Variants in SYNDIG1 observed in about 807,000 individuals in gnomAD.
SYNDIG1 encodes the protein synapse differentiation-inducing gene protein 1.
Under a neutral mutation model 19.4 loss-of-function variants are expected in SYNDIG1, and 9 were observed. The ratio of observed to expected loss-of-function variants is 0.46; its 90% CI spans 0.28 to 0.81. The LOEUF (loss-of-function observed/expected upper bound fraction) is 0.81. Ranked by LOEUF, SYNDIG1 falls within the 30% of genes least tolerant of loss-of-function variation. The probability of loss-of-function intolerance (pLI) is 0.12; values close to 1 mark genes in which losing one functional copy is unlikely to be tolerated. For synonymous variants in SYNDIG1, 141 were observed against 145.9 expected, an observed-to-expected ratio of 0.97 and a Z score of 0.24; for missense variants, 311 against 343.3, an observed-to-expected ratio of 0.91 and a Z score of 0.74.
At chr20:24,548,053 C>T (rs1283760263) in intron 2 of SYNDIG1, among the ~76,000 whole-genome samples, 5 of 152,180 alleles carry the variant, frequency 3.3e-5, no homozygotes, top group Non-Finnish European at 7.3e-5. Flanking sequence ...CGATGGAGCA[C>T]CTTTTCTGCC....
chr20:24,503,564 A>AC (rs1304556685), intron 1 of SYNDIG1, among the ~76,000 whole-genome samples: 2 of 151,366 alleles, frequency 1.3e-5, no homozygotes, highest in African/African-American at 4.9e-5. Flanking sequence ...AATGAGCGTC[A>AC]CCCCCAAAAT....
intron 2 of SYNDIG1, among the ~76,000 whole-genome samples, chr20:24,564,875 G>A (rs907046064): frequency 6.6e-6 from 1 of 152,246 alleles, no homozygotes; most frequent in African/African-American, 2.4e-5. Context: ...GGAGCTGGCT[G>A]AAGATTCCAG....
At chr20:24,650,448 G>A (rs575687277) in intron 3 of SYNDIG1, among the ~76,000 whole-genome samples, 3 of 152,340 alleles carry the variant, frequency 2.0e-5, no homozygotes, top group African/African-American at 4.8e-5. Flanking sequence ...GTGCTCCCAC[G>A]CAGTCATCAC....
intron 1 of SYNDIG1, among the ~76,000 whole-genome samples, chr20:24,501,754 A>G (rs2146385220): frequency 6.6e-6 from 1 of 152,352 alleles, no homozygotes; most frequent in East Asian, 1.9e-4. Flanking sequence ...GTCATGCACT[A>G]GACTCTGTCT....
chr20:24,630,770 C>T (rs774080840), intron 3 of SYNDIG1, among the ~76,000 whole-genome samples: 14 of 152,224 alleles, frequency 9.2e-5, no homozygotes, highest in Non-Finnish European at 1.9e-4. Flanking sequence ...CTGCTGGGAA[C>T]CCTGCCTCTC....
chr20:24,556,774 A>G (rs186395546), intron 2 of SYNDIG1, among the ~76,000 whole-genome samples: 178 of 152,192 alleles, frequency 1.2e-3, no homozygotes, highest in African/African-American at 4.2e-3. Context: ...GAATCTGACA[A>G]TTATGTGTCT....
chr20:24,639,664 A>G (rs1426037437), intron 3 of SYNDIG1, among the ~76,000 whole-genome samples: 1 of 152,250 alleles, frequency 6.6e-6, no homozygotes, highest in Non-Finnish European at 1.5e-5. Context: ...CATTAATACA[A>G]TTGAAATTTT....
chr20:24,617,265 C>T (rs746368885), intron 3 of SYNDIG1, among the ~76,000 whole-genome samples: 11 of 151,982 alleles, frequency 7.2e-5, no homozygotes, highest in African/African-American at 1.2e-4. Flanking sequence ...GCTCCTGGCC[C>T]GCATCCTTCC....
intron 3 of SYNDIG1, among the ~76,000 whole-genome samples, chr20:24,595,605 C>A (rs951440104): frequency 1.3e-5 from 2 of 152,154 alleles, no homozygotes; most frequent in Non-Finnish European, 2.9e-5. Flanking sequence ...TGGTGGAATT[C>A]GGCTGTGAAG....
intron 2 of SYNDIG1, among the ~76,000 whole-genome samples, chr20:24,573,877 C>T (rs991696614): frequency 1.2e-4 from 18 of 152,206 alleles, no homozygotes; most frequent in African/African-American, 4.1e-4. Context: ...CTCTCAGCTC[C>T]CCTTACCCCA....
At chr20:24,618,442 C>T (rs1459664935) in intron 3 of SYNDIG1, among the ~76,000 whole-genome samples, 2 of 152,064 alleles carry the variant, frequency 1.3e-5, no homozygotes, top group Non-Finnish European at 1.5e-5. Flanking sequence ...CACCAGGCCT[C>T]GTGGGCACCA....
rs528461353 is a variant in SYNDIG1, at chr20:24,552,621, C to A, written c.480+9044C>A. Among the ~76,000 whole-genome samples the A allele has an allele frequency of 9.2e-5, 14 of 152,140 alleles. No homozygotes were observed. In the South Asian group the frequency reaches 2.5e-3, roughly 27 times the overall value. On this transcript the variant is annotated intron_variant, in intron 2 of 3. Coordinates refer to ENST00000376862, the MANE Select transcript of SYNDIG1 (RefSeq NM_024893.3). ...GATGATTTCCAATTTCATCCATGTC[C>A]CTACAAAGGACATGAACTCATCATT...
At chr20:24,549,716 G>A (rs2057666978) in intron 2 of SYNDIG1, among the ~76,000 whole-genome samples, 1 of 152,222 alleles carries the variant, frequency 6.6e-6, no homozygotes, top group Admixed American at 6.5e-5. Flanking sequence ...TGGATCCAGA[G>A]CTGTTGCCCA....
intron 3 of SYNDIG1, among the ~76,000 whole-genome samples, chr20:24,644,169 C>G (rs945227379): frequency 2.0e-5 from 3 of 152,186 alleles, no homozygotes; most frequent in Non-Finnish European, 4.4e-5. Flanking sequence ...TGATTATGAG[C>G]AAATTGGTCT....
intron 3 of SYNDIG1, among the ~76,000 whole-genome samples, chr20:24,630,918 C>T (rs1445270258): frequency 6.6e-6 from 1 of 152,236 alleles, no homozygotes; most frequent in African/African-American, 2.4e-5. Flanking sequence ...ATAAAGAACA[C>T]TCTCTAAAGA....
At chr20:24,602,374 G>T (rs2058691851) in intron 3 of SYNDIG1, among the ~76,000 whole-genome samples, 1 of 152,166 alleles carries the variant, frequency 6.6e-6, no homozygotes, top group Non-Finnish European at 1.5e-5. Flanking sequence ...GACCATCTTA[G>T]TCCACACTCA....
chr20:24,549,863 C>T (rs2057670277), intron 2 of SYNDIG1, among the ~76,000 whole-genome samples: 1 of 152,158 alleles, frequency 6.6e-6, no homozygotes, highest in Non-Finnish European at 1.5e-5. Context: ...CTCCCCTGGA[C>T]TTGGGCCACC....
At chr20:24,632,866 A>C (rs2059264483) in intron 3 of SYNDIG1, among the ~76,000 whole-genome samples, 1 of 152,148 alleles carries the variant, frequency 6.6e-6, no homozygotes, top group African/African-American at 2.4e-5. Flanking sequence ...TTCTGGAATA[A>C]ATTCGCGAGA....
chr20:24,646,261 AG>A (rs1167094395), intron 3 of SYNDIG1, among the ~76,000 whole-genome samples: 1 of 152,190 alleles, frequency 6.6e-6, no homozygotes, highest in Admixed American at 6.5e-5. Context: ...TATACACATC[AG>A]TGATTTCCCA....
Sources: gnomAD v4.1 joint callset for allele counts (sites outside exome capture counted in the v4.1 genomes callset) on GRCh38, gnomAD v4.1.1 for gene constraint, MANE v1.5 for transcripts, NCBI Gene and HGNC (gene_info 2026-07-23, HGNC 2026-07-21) for gene names.